Variants in RBMS3 observed in about 807,000 individuals in gnomAD.
The protein encoded by RBMS3 is RNA binding motif single stranded interacting protein 3.
RBMS3 carries 27 observed loss-of-function variants against 66.8 expected under a neutral mutation model. That is an observed-to-expected ratio of 0.40 (90% CI 0.30 to 0.56). The LOEUF (loss-of-function observed/expected upper bound fraction) is 0.56, where lower values mean the gene tolerates loss of function less well. Among genes scored for constraint, RBMS3 ranks in the 20% least tolerant of loss-of-function variants. The pLI is 0.40. For missense variants in RBMS3, 513 were observed against 549.5 expected (o/e 0.93, Z 0.66); for synonymous variants, 188 against 183.0 (o/e 1.03, Z -0.22).
chr3:29,320,300 G>A (rs80286140), intron 1 of RBMS3, among the ~76,000 whole-genome samples: 6,050 of 152,078 alleles, frequency 0.04, 152 homozygotes, highest in South Asian at 0.069. Context: ...GAAAGGTTCA[G>A]GCTGCCTGTT....
At chr3:29,502,097 G>A (rs946798438) in intron 3 of RBMS3, among the ~76,000 whole-genome samples, 3 of 152,024 alleles carry the variant, frequency 2.0e-5, no homozygotes, top group African/African-American at 7.2e-5. Context: ...AAATTAGAAT[G>A]CCTTTTAGCG....
At chr3:29,657,108 C>A (rs1236925177) in intron 4 of RBMS3, among the ~76,000 whole-genome samples, 1 of 152,178 alleles carries the variant, frequency 6.6e-6, no homozygotes, top group Non-Finnish European at 1.5e-5. Context: ...CACATTTCCA[C>A]ACACAGGAGG....
At chr3:29,782,039 G>A (rs775218770) in intron 6 of RBMS3, among the ~76,000 whole-genome samples, 2 of 151,984 alleles carry the variant, frequency 1.3e-5, no homozygotes, top group Non-Finnish European at 2.9e-5. Flanking sequence ...CCACCTGGTG[G>A]TCTTTCTCTA....
chr3:29,995,282 A>G lies in RBMS3; in HGVS notation c.1307+4073A>G, dbSNP rs201474929. Among the ~76,000 whole-genome samples, 21 of 152,304 alleles carry G rather than the reference A, an allele frequency of 1.4e-4. No individual in the cohort carries two copies. The East Asian group carries it at 2.9e-3, about 21-fold the overall frequency. ...GACTATGTGAAAAGACCAAATCTACATCTGATTGGTGTACCTGAAAGTGAT... is the reference window on the plus strand; with the variant it reads ...GACTATGTGAAAAGACCAAATCTACGTCTGATTGGTGTACCTGAAAGTGAT... On this transcript the variant is annotated intron_variant, in intron 14 of 14. Transcript: ENST00000383767.
At chr3:29,816,903 A>C (rs2057921690) in intron 6 of RBMS3, among the ~76,000 whole-genome samples, 1 of 152,058 alleles carries the variant, frequency 6.6e-6, no homozygotes, top group Admixed American at 6.5e-5. Flanking sequence ...CAGCCTGGCC[A>C]ACATGGTGAT....
intron 11 of RBMS3, among the ~76,000 whole-genome samples, chr3:29,943,779 A>G (rs535014159): frequency 2.8e-4 from 42 of 151,824 alleles, no homozygotes; most frequent in Non-Finnish European, 4.9e-4. Flanking sequence ...GAATGTACAA[A>G]TTTTTTATTT....
At chr3:29,977,136 T>G (rs1179069300) in intron 12 of RBMS3, among the ~76,000 whole-genome samples, 1 of 152,126 alleles carries the variant, frequency 6.6e-6, no homozygotes, top group African/African-American at 2.4e-5. Context: ...CTCTCCTTTC[T>G]GAAATTCGTT....
intron 1 of RBMS3, among the ~76,000 whole-genome samples, chr3:29,324,115 A>C (rs2035178554): frequency 6.6e-6 from 1 of 152,018 alleles, no homozygotes; most frequent in Non-Finnish European, 1.5e-5. Flanking sequence ...AATTCACTGG[A>C]GTGGGAATAA....
chr3:29,304,761 T>A (rs996693092), intron 1 of RBMS3, among the ~76,000 whole-genome samples: 2 of 151,974 alleles, frequency 1.3e-5, no homozygotes, highest in African/African-American at 4.8e-5. Context: ...CTTTGTGTTA[T>A]GTGCTGTGTT....
At chr3:29,420,356 T>G (rs1051425494) in intron 1 of RBMS3, among the ~76,000 whole-genome samples, 2 of 152,202 alleles carry the variant, frequency 1.3e-5, no homozygotes, top group Non-Finnish European at 2.9e-5. Flanking sequence ...CTATTCATTC[T>G]TGTAATTCCA....
chr3:29,440,707 C>G (rs1283060162), intron 2 of RBMS3, among the ~76,000 whole-genome samples: 1 of 152,150 alleles, frequency 6.6e-6, no homozygotes, highest in Non-Finnish European at 1.5e-5. Context: ...AGCTAATCTC[C>G]CGGACTTTTA....
At chr3:29,408,255 G>C (rs1381624889) in intron 1 of RBMS3, among the ~76,000 whole-genome samples, 6 of 123,362 alleles carry the variant, frequency 4.9e-5, no homozygotes, top group Non-Finnish European at 9.5e-5. Context: ...CTGGATGACA[G>C]AGCGAGACTC....
In RBMS3 at chr3:29,419,420, A is replaced by G. The variant is rs115127031; in HGVS notation, c.76-15323A>G. Among the ~76,000 whole-genome samples, 1,343 of 152,258 alleles carry G rather than the reference A, an allele frequency of 8.8e-3. 23 individuals carry two copies. Among genetic ancestry groups the G allele is most frequent in the African/African-American group, 0.031 (1,274 of 41,542 alleles). ...TCTAATTATCTGTTCTATTTTACAC[A>G]TGTTATAGTGTAGGTTAAATTTTTA... On this transcript the variant is annotated intron_variant, in intron 1 of 14. Transcript: ENST00000383767.
chr3:29,429,662 C>T (rs558884102), intron 1 of RBMS3, among the ~76,000 whole-genome samples: 16 of 152,284 alleles, frequency 1.1e-4, no homozygotes, highest in African/African-American at 3.4e-4. Context: ...TGTTCAGTAA[C>T]CCCAGACCGT....
chr3:29,526,418 G>A (rs1038440484), intron 3 of RBMS3: 2 of 151,270 alleles, frequency 1.3e-5, no homozygotes, highest in African/African-American at 4.9e-5. Context: ...CTACTCAGGA[G>A]GCTGAGGCAG....
chr3:29,555,298 AG>A (rs2046317914), intron 3 of RBMS3, among the ~76,000 whole-genome samples: 1 of 152,216 alleles, frequency 6.6e-6, no homozygotes, highest in Non-Finnish European at 1.5e-5. Flanking sequence ...AGAACACTAA[AG>A]TCCTTCACTA....
chr3:29,803,605 C>T (rs577735463), intron 6 of RBMS3, among the ~76,000 whole-genome samples: 1 of 152,054 alleles, frequency 6.6e-6, no homozygotes, highest in East Asian at 1.9e-4. Flanking sequence ...ATTTTATCAA[C>T]ACACATTTTA....
At chr3:29,345,849 A>C (rs749181506) in intron 1 of RBMS3, among the ~76,000 whole-genome samples, 15 of 152,214 alleles carry the variant, frequency 9.9e-5, no homozygotes, top group Non-Finnish European at 1.9e-4. Flanking sequence ...TTTCAAACTA[A>C]TTAGAAAAAT....
intron 10 of RBMS3, among the ~76,000 whole-genome samples, chr3:29,932,662 C>T (rs2061159619): frequency 1.3e-5 from 2 of 152,142 alleles, no homozygotes; most frequent in South Asian, 4.1e-4. Flanking sequence ...GTAGAGAAGC[C>T]ACACATGCTT....
Sources: gnomAD v4.1 joint callset for allele counts (sites outside exome capture counted in the v4.1 genomes callset) on GRCh38, gnomAD v4.1.1 for gene constraint, MANE v1.5 for transcripts, NCBI Gene and HGNC (gene_info 2026-07-23, HGNC 2026-07-21) for gene names.